DOCK1: variants seen among roughly 807,000 people sequenced by gnomAD.
DOCK1 encodes the protein dedicator of cytokinesis protein 1.
DOCK1 carries 138 observed loss-of-function variants against 262.7 expected under a neutral mutation model. The ratio of observed to expected loss-of-function variants is 0.53; its 90% CI spans 0.46 to 0.61. The LOEUF (loss-of-function observed/expected upper bound fraction) is 0.61, where lower values mean the gene tolerates loss of function less well. Ranked by LOEUF, DOCK1 falls within the 20% of genes least tolerant of loss-of-function variation. DOCK1 has a pLI of 0.00. For synonymous variants in DOCK1, 866 were observed against 867.4 expected, an observed-to-expected ratio of 1.00 and a Z score of 0.03; for missense variants, 1,908 against 2,370.7, an observed-to-expected ratio of 0.80 and a Z score of 4.05.
intron 27 of DOCK1, among the ~76,000 whole-genome samples, chr10:127,154,297 AC>A (rs1395428639): frequency 6.6e-6 from 1 of 152,188 alleles, no homozygotes; most frequent in Non-Finnish European, 1.5e-5. Context: ...TGTTTGCTCT[AC>A]CCCACCTGTC....
intron 27 of DOCK1, among the ~76,000 whole-genome samples, chr10:127,166,768 G>A (rs552196659): frequency 1.3e-5 from 2 of 152,098 alleles, no homozygotes; most frequent in African/African-American, 2.4e-5. Context: ...ATTAGAACTT[G>A]CATTTCATTT....
chr10:127,213,544 A>G (rs992876035), intron 27 of DOCK1, among the ~76,000 whole-genome samples: 2 of 152,254 alleles, frequency 1.3e-5, no homozygotes, highest in Non-Finnish European at 2.9e-5. Context: ...TAACACCAAG[A>G]TGAACAGAAT....
At chr10:127,389,292 G>A (rs2066327866) in intron 38 of DOCK1, among the ~76,000 whole-genome samples, 1 of 152,156 alleles carries the variant, frequency 6.6e-6, no homozygotes, top group African/African-American at 2.4e-5. Flanking sequence ...AGTATCCCCG[G>A]CTGCTTTGGG....
In DOCK1 at chr10:127,374,188, C is replaced by T. The variant is rs761553028; in HGVS notation, c.3649C>T (p.Arg1217Cys). 2.0e-5 allele frequency: 33 copies of T among 1,613,164 alleles called. No individual in the cohort carries two copies. Among genetic ancestry groups the T allele is most frequent in the South Asian group, 1.3e-4 (12 of 90,780 alleles). Reference sequence around the variant, plus strand: ...CATGCACGACGAGAACAAAGAAAACCGCATGAGCTGCACCGTCAATGTGCT... The same window carrying T: ...CATGCACGACGAGAACAAAGAAAACTGCATGAGCTGCACCGTCAATGTGCT... ...TIMHDENKEN[R>C]MSCTVNVLNF... Residue 1217 changes from arginine (R) to cysteine (C), a missense_variant, in exon 35 of 52, where the codon CGC (arginine) becomes TGC (cysteine). Physicochemically the swap from Arg to Cys is radical, Grantham distance 180 (BLOSUM62 -3). Coordinates refer to ENST00000623213, the MANE Select transcript of DOCK1 (RefSeq NM_001290223.2).
At chr10:127,443,985 A>G in intron 49 of DOCK1, 141 bp from the exon 50 acceptor site, 1 of 1,142,434 alleles carries the variant, frequency 8.8e-7, no homozygotes, top group Non-Finnish European at 1.2e-6. Context: ...CCTTAGCTTG[A>G]TCATTTGCAA....
chr10:126,961,682 T>A (rs1396579535), intron 1 of DOCK1, among the ~76,000 whole-genome samples: 1 of 152,232 alleles, frequency 6.6e-6, no homozygotes, highest in African/African-American at 2.4e-5. Flanking sequence ...ACATGTCCTT[T>A]CTTTTAAGGC....
intron 29 of DOCK1, among the ~76,000 whole-genome samples, chr10:127,304,721 C>CA (rs1222426736): frequency 2.0e-5 from 3 of 151,964 alleles, no homozygotes; most frequent in Non-Finnish European, 4.4e-5. Flanking sequence ...CTCATCTCTA[C>CA]AAAAAATAAA....
chr10:127,038,697 C>T (rs1031080650), intron 19 of DOCK1, among the ~76,000 whole-genome samples: 7 of 152,164 alleles, frequency 4.6e-5, no homozygotes, highest in African/African-American at 1.7e-4. Context: ...CCCTTGTGGC[C>T]TCAGCATCTT....
intron 4 of DOCK1, among the ~76,000 whole-genome samples, chr10:126,986,630 C>T (rs1321887061): frequency 6.6e-6 from 1 of 152,230 alleles, no homozygotes; most frequent in Non-Finnish European, 1.5e-5. Flanking sequence ...AGTCAAGGGG[C>T]TGGGCGCGGT....
chr10:127,370,213 A>G (rs149381151), intron 33 of DOCK1, among the ~76,000 whole-genome samples: 143 of 152,306 alleles, frequency 9.4e-4, no homozygotes, highest in African/African-American at 3.2e-3. Flanking sequence ...TACAGGAGAA[A>G]CTAGAGCACT....
At chr10:127,050,407 ACCCTCT>A in intron 21 of DOCK1, among the ~76,000 whole-genome samples, 3 of 99,448 alleles carry the variant, frequency 3.0e-5, no homozygotes, top group Admixed American at 1.1e-4. Context: ...TTGCCACTTT[ACCCTCT>A]AAAAAATTTT....
At chr10:127,054,628 C>A (rs2135757429) in intron 22 of DOCK1, among the ~76,000 whole-genome samples, 1 of 152,136 alleles carries the variant, frequency 6.6e-6, no homozygotes, top group South Asian at 2.1e-4. Context: ...ACTTCCTGGC[C>A]CCCCCTGCCT....
intron 1 of DOCK1, among the ~76,000 whole-genome samples, chr10:126,938,962 G>C (rs1340130007): frequency 1.1e-5 from 1 of 89,752 alleles, no homozygotes; most frequent in African/African-American, 4.5e-5. Flanking sequence ...GCGAACACCT[G>C]GGGGGACAAA....
Position 127,357,570 on chromosome 10 carries a change from C to T in DOCK1, c.3283+2843C>T, listed in dbSNP as rs73384676. 9.3e-3 allele frequency among the ~76,000 whole-genome samples: 1,414 copies of T among 152,296 alleles called. 21 individuals carry two copies. Among genetic ancestry groups the T allele is most frequent in the African/African-American group, 0.033 (1,352 of 41,550 alleles). On this transcript the variant is annotated intron_variant, in intron 32 of 51. Transcript: ENST00000623213. ...TTGCAGTGAAGTGAGCAAGCTCCCC[C>T]CTTCCCTCCTATCAGTGGCTGATTT...
chr10:127,407,583 A>G (rs1358311061), intron 40 of DOCK1, among the ~76,000 whole-genome samples: 1 of 152,234 alleles, frequency 6.6e-6, no homozygotes, highest in African/African-American at 2.4e-5. Flanking sequence ...TCCTTTAGTT[A>G]GACAAATTTT....
intron 1 of DOCK1, among the ~76,000 whole-genome samples, chr10:126,964,287 G>A (rs969212010): frequency 6.6e-6 from 1 of 152,178 alleles, no homozygotes; most frequent in African/African-American, 2.4e-5. Flanking sequence ...CCTCTCTGGG[G>A]TTACATCTGG....
chr10:127,295,127 T>G (rs1202368779), intron 29 of DOCK1, among the ~76,000 whole-genome samples: 1 of 152,188 alleles, frequency 6.6e-6, no homozygotes, highest in East Asian at 1.9e-4. Flanking sequence ...GAGGAATACC[T>G]GAGGCTGGGT....
intron 51 of DOCK1, 31 bp from the exon 52 acceptor site, chr10:127,451,301 G>A (rs761631247): frequency 5.1e-6 from 8 of 1,566,290 alleles, no homozygotes; most frequent in Non-Finnish European, 5.2e-6. Flanking sequence ...CATCAGTTAT[G>A]TGACATCTTC....
intron 29 of DOCK1, among the ~76,000 whole-genome samples, chr10:127,318,706 T>TG (rs2135548611): frequency 6.6e-6 from 1 of 152,224 alleles, no homozygotes; most frequent in East Asian, 1.9e-4. Flanking sequence ...CTATTTTAAA[T>TG]GCTGGGGATG....
Sources: gnomAD v4.1 joint callset for allele counts (sites outside exome capture counted in the v4.1 genomes callset) on GRCh38, gnomAD v4.1.1 for gene constraint, MANE v1.5 for transcripts, NCBI Gene and HGNC (gene_info 2026-07-23, HGNC 2026-07-21) for gene names.